CSMD1: variants seen among roughly 807,000 people sequenced by gnomAD.
CSMD1 encodes CUB and sushi domain-containing protein 1.
Under a neutral mutation model 417.5 loss-of-function variants are expected in CSMD1, and 213 were observed. That is an observed-to-expected ratio of 0.51 (90% confidence interval 0.46 to 0.57). CSMD1 has a LOEUF of 0.57. CSMD1 is among the 20% of genes least tolerant of loss of function. The probability of loss-of-function intolerance (pLI) is 0.00; values close to 1 mark genes in which losing one functional copy is unlikely to be tolerated. For synonymous variants in CSMD1, 2,862 were observed against 1,736.8 expected, an observed-to-expected ratio of 1.65 and a Z score of -16.11; for missense variants, 6,923 against 4,529.7, an observed-to-expected ratio of 1.53 and a Z score of -15.17.
At chr8:4,684,653 G>C (rs1375630750) in intron 1 of CSMD1, among the ~76,000 whole-genome samples, 6 of 152,180 alleles carry the variant, frequency 3.9e-5, no homozygotes, top group African/African-American at 1.4e-4. Flanking sequence ...AGGATTATAA[G>C]GCAATTAAGT....
At chr8:3,867,101 G>A (rs140096725) in intron 5 of CSMD1, among the ~76,000 whole-genome samples, 2 of 152,172 alleles carry the variant, frequency 1.3e-5, no homozygotes, top group Admixed American at 6.5e-5. Context: ...TAACCATTTT[G>A]ATTGATTGAT....
At chr8:4,237,295 T>C (rs949854781) in intron 3 of CSMD1, among the ~76,000 whole-genome samples, 1 of 152,142 alleles carries the variant, frequency 6.6e-6, no homozygotes. Context: ...AAGAAACAAA[T>C]ATTGAGAGGG....
chr8:4,137,715 T>C (rs1431660698), intron 3 of CSMD1, among the ~76,000 whole-genome samples: 1 of 97,136 alleles, frequency 1.0e-5, no homozygotes, highest in Non-Finnish European at 2.7e-5. Context: ...TCGATAAAGA[T>C]ACTGTATTTC....
intron 3 of CSMD1, among the ~76,000 whole-genome samples, chr8:4,232,230 C>G (rs1020194394): frequency 2.0e-5 from 3 of 152,184 alleles, no homozygotes; most frequent in African/African-American, 4.8e-5. Context: ...GAGTCTCGCT[C>G]TGTCAGTCAC....
At chr8:4,780,534 T>C (rs1284933997) in intron 1 of CSMD1, among the ~76,000 whole-genome samples, 1 of 152,206 alleles carries the variant, frequency 6.6e-6, no homozygotes, top group Non-Finnish European at 1.5e-5. Context: ...CCTTGATGTT[T>C]TGTGCCCAAG....
At chr8:3,886,618 T>C (rs1371103887) in intron 5 of CSMD1, among the ~76,000 whole-genome samples, 4 of 152,150 alleles carry the variant, frequency 2.6e-5, no homozygotes, top group Non-Finnish European at 4.4e-5. Context: ...ATTTGGCCCA[T>C]AGGCTGCAGT....
intron 1 of CSMD1, among the ~76,000 whole-genome samples, chr8:4,806,046 C>T (rs756107098): frequency 3.9e-5 from 6 of 152,096 alleles, no homozygotes; most frequent in African/African-American, 4.8e-5. Flanking sequence ...AGTGAGATGA[C>T]GGAAACCCGG....
intron 4 of CSMD1, among the ~76,000 whole-genome samples, chr8:4,019,847 C>A (rs1431173992): frequency 6.6e-6 from 1 of 151,308 alleles, no homozygotes; most frequent in Non-Finnish European, 1.5e-5. Flanking sequence ...TTTTCCTGAG[C>A]CCCAAACCAT....
At chr8:3,885,993 A>G (rs993389172) in intron 5 of CSMD1, among the ~76,000 whole-genome samples, 1 of 151,544 alleles carries the variant, frequency 6.6e-6, no homozygotes, top group Non-Finnish European at 1.5e-5. Context: ...AATTATATAT[A>G]TATGTGTACA....
At chr8:3,211,915 C>T (rs756814548) in intron 30 of CSMD1, among the ~76,000 whole-genome samples, 1 of 152,186 alleles carries the variant, frequency 6.6e-6, no homozygotes, top group Non-Finnish European at 1.5e-5. Context: ...GGTGGCAAGA[C>T]AAGAGGGGGT....
At chr8:4,053,452 C>T (rs1325973624) in intron 3 of CSMD1, among the ~76,000 whole-genome samples, 1 of 151,742 alleles carries the variant, frequency 6.6e-6, no homozygotes, top group Non-Finnish European at 1.5e-5. Flanking sequence ...CGGTGGGGAA[C>T]CCTACTGAAG....
intron 3 of CSMD1, among the ~76,000 whole-genome samples, chr8:4,387,576 A>AAAAAAAAAG (rs1554455862): frequency 1.4e-5 from 2 of 142,760 alleles, no homozygotes; most frequent in Non-Finnish European, 3.0e-5. Context: ...CTGGCAAAAA[A>AAAAAAAAAG]AAAAAAAAAA....
intron 3 of CSMD1, among the ~76,000 whole-genome samples, chr8:4,247,302 G>C (rs943344006): frequency 3.3e-5 from 5 of 152,106 alleles, no homozygotes; most frequent in Non-Finnish European, 4.4e-5. Flanking sequence ...GTGGTCAATT[G>C]TCTTCTCTAC....
chr8:3,583,524 C>T (rs1440937429), intron 9 of CSMD1, among the ~76,000 whole-genome samples: 1 of 152,008 alleles, frequency 6.6e-6, no homozygotes, highest in African/African-American at 2.4e-5. Flanking sequence ...TGTTCAGCGA[C>T]AAACACAGAT....
At chr8:4,285,177 T>C (rs929407805) in intron 3 of CSMD1, among the ~76,000 whole-genome samples, 1 of 152,234 alleles carries the variant, frequency 6.6e-6, no homozygotes, top group Non-Finnish European at 1.5e-5. Flanking sequence ...ATGAATTTTA[T>C]GTTTTTGTAT....
chr8:3,438,521 C>G (rs1463629231), intron 12 of CSMD1, among the ~76,000 whole-genome samples: 1 of 152,124 alleles, frequency 6.6e-6, no homozygotes, highest in African/African-American at 2.4e-5. Flanking sequence ...CTGGGATTGA[C>G]TTTTTTGGTC....
intron 3 of CSMD1, among the ~76,000 whole-genome samples, chr8:4,245,096 G>C (rs991192194): frequency 6.6e-6 from 1 of 152,044 alleles, no homozygotes; most frequent in African/African-American, 2.4e-5. Context: ...AATGAATAAC[G>C]ACCCTCAAGA....
chr8:4,263,568 T>A (rs1563356244), intron 3 of CSMD1, among the ~76,000 whole-genome samples: 1 of 152,156 alleles, frequency 6.6e-6, no homozygotes, highest in Non-Finnish European at 1.5e-5. Flanking sequence ...AAAGTCATAA[T>A]CAACAATCAT....
At chr8:3,004,722 G>A (rs917721607) in intron 52 of CSMD1, among the ~76,000 whole-genome samples, 1 of 152,184 alleles carries the variant, frequency 6.6e-6, no homozygotes, top group Non-Finnish European at 1.5e-5. Flanking sequence ...AGGTATGACT[G>A]TGGACAGGGT....
Sources: gnomAD v4.1 joint callset for allele counts (sites outside exome capture counted in the v4.1 genomes callset) on GRCh38, gnomAD v4.1.1 for gene constraint, MANE v1.5 for transcripts, NCBI Gene and HGNC (gene_info 2026-07-23, HGNC 2026-07-21) for gene names.